The following MAP3K20 variants were observed in gnomAD, a reference collection of about 807,000 sequenced individuals.
MAP3K20 encodes the protein HCCS-4.
In MAP3K20, 40 loss-of-function variants were observed where a neutral mutation model predicts 85.7. That is an observed-to-expected ratio of 0.47 (90% CI 0.36 to 0.61). The LOEUF (loss-of-function observed/expected upper bound fraction) is 0.61. MAP3K20 is among the 20% of genes least tolerant of loss of function. The probability of loss-of-function intolerance (pLI) is 0.00; values close to 1 mark genes in which losing one functional copy is unlikely to be tolerated. For missense variants in MAP3K20, 817 were observed against 961.7 expected (o/e 0.85, Z 1.99); for synonymous variants, 325 against 327.7 (o/e 0.99, Z 0.09).
In MAP3K20 at chr2:173,229,559, C is replaced by T. The variant is rs1684471462; in HGVS notation, c.988-130C>T. On this transcript the variant is annotated intron_variant, in intron 11 of 19. Transcript: ENST00000375213. ...AAGGTCAGGAAAACTGTTTTCCATTCAACCCAACCTGCAGGAGGAACCAAG... is the reference window on the plus strand; with the variant it reads ...AAGGTCAGGAAAACTGTTTTCCATTTAACCCAACCTGCAGGAGGAACCAAG... 4.8e-5 allele frequency: 55 copies of T among 1,153,948 alleles called. 1 individual carries two copies. The highest frequency in any genetic ancestry group is 4.0e-4 in the Middle Eastern group (2 of 5,060). The allele number at this position is 1,153,948 out of a possible 1,614,324, so 71.5% of individuals were successfully genotyped here.
chr2:173,107,752 A>G (rs1687824589), intron 2 of MAP3K20, among the ~76,000 whole-genome samples: 2 of 152,144 alleles, frequency 1.3e-5, no homozygotes, highest in Non-Finnish European at 2.9e-5. Flanking sequence ...TAAAATGCAG[A>G]TAATAATAGA....
chr2:173,129,115 G>C (rs1301804292), intron 2 of MAP3K20, among the ~76,000 whole-genome samples: 2 of 151,874 alleles, frequency 1.3e-5, no homozygotes, highest in South Asian at 2.1e-4. Context: ...TTTTAGTAGA[G>C]ACAAGGTTTC....
intron 3 of MAP3K20, among the ~76,000 whole-genome samples, chr2:173,182,633 C>T (rs2106265290): frequency 6.6e-6 from 1 of 152,292 alleles, no homozygotes; most frequent in Admixed American, 6.5e-5. Flanking sequence ...TTTTGATTCT[C>T]AACTGAAGTT....
intron 2 of MAP3K20, among the ~76,000 whole-genome samples, chr2:173,131,951 C>G (rs1688630375): frequency 6.6e-6 from 1 of 152,098 alleles, no homozygotes; most frequent in Non-Finnish European, 1.5e-5. Context: ...TAATTTCATC[C>G]CTAACTCTCC....
At position 173,079,305 on chromosome 2, in the gene MAP3K20, C is replaced by T. The variant is rs1686950229; in HGVS notation, c.-35+3303C>T. On this transcript the variant is annotated intron_variant, in intron 1 of 19. Transcript: ENST00000375213. ...TATCAAAGATAAAAAATGGTACACC[C>T]GTATAGGGCATTTACCATGAATGGA... is the stretch of plus-strand genomic sequence containing the variant. 2.6e-5 allele frequency among the ~76,000 whole-genome samples: 4 copies of T among 152,034 alleles called. No homozygotes were observed. The South Asian group carries it at 6.2e-4, about 24-fold the overall frequency.
intron 14 of MAP3K20, among the ~76,000 whole-genome samples, chr2:173,237,019 CTTTTTT>C (rs368196400): frequency 1.3e-5 from 1 of 75,582 alleles, no homozygotes; most frequent in African/African-American, 5.4e-5. Context: ...GTATATCCAC[CTTTTTT>C]TTTTTTTTTT....
chr2:173,163,725 T>C (rs1689732101), intron 2 of MAP3K20, among the ~76,000 whole-genome samples: 1 of 152,218 alleles, frequency 6.6e-6, no homozygotes, highest in Non-Finnish European at 1.5e-5. Context: ...TGTGTCTTTA[T>C]GGTAGAATGA....
At chr2:173,222,409 C>G (rs982628614) in intron 11 of MAP3K20, 2 of 985,746 alleles carry the variant, frequency 2.0e-6, no homozygotes, top group African/African-American at 3.5e-5. Flanking sequence ...TTGAAACCAA[C>G]AGCAGATGTT....
chr2:173,266,844 T>A lies in MAP3K20; in HGVS notation c.*94T>A. 1 of 1,200,356 alleles carries A rather than the reference T, an allele frequency of 8.3e-7. No homozygotes were observed. Among genetic ancestry groups the A allele is most frequent in the Non-Finnish European group, 1.1e-6 (1 of 909,322 alleles). The allele number at this position is 1,200,356 out of a possible 1,614,324, so 74.4% of individuals were successfully genotyped here. ...ATAATATGATCCCTTCAGATTGAAT[T>A]AACGAAAAGACAACACTTCCAGTTT... is the stretch of plus-strand genomic sequence containing the variant. On this transcript the variant is annotated 3_prime_UTR_variant, in exon 20 of 20. Coordinates refer to ENST00000375213, the MANE Select transcript of MAP3K20 (RefSeq NM_016653.3).
chr2:173,266,929 T>C lies in MAP3K20; in HGVS notation c.*179T>C. The C allele has an allele frequency of 2.0e-6, 1 of 508,480 alleles. No individual in the cohort carries two copies. Among genetic ancestry groups the C allele is most frequent in the Non-Finnish European group, 3.3e-6 (1 of 305,332 alleles). 31.5% of individuals were successfully genotyped at this position (508,480 alleles called of 1,614,324 possible). On this transcript the variant is annotated 3_prime_UTR_variant, in exon 20 of 20. Transcript: ENST00000375213. ...GCCAAACCAGGGCCAAAATTATGGA[T>C]ATTGGTCACCCAGTGATCATAACTA... is the stretch of plus-strand genomic sequence containing the variant.
At position 173,178,566 on chromosome 2, in the gene MAP3K20, C is replaced by A. The variant is rs74712219; in HGVS notation, c.248-4288C>A. Among the ~76,000 whole-genome samples the A allele has an allele frequency of 4.6e-3, 702 of 152,262 alleles. 13 individuals carry two copies. The highest frequency in any genetic ancestry group is 0.028 in the Admixed American group (436 of 15,300). Reference sequence around the variant, plus strand: ...GGCTGAGGCATGAGAATTGCTTGAACCCAGGAGGCGGAGGTTGCTGTGAGC... The same window carrying A: ...GGCTGAGGCATGAGAATTGCTTGAAACCAGGAGGCGGAGGTTGCTGTGAGC... On this transcript the variant is annotated intron_variant, in intron 3 of 19. Coordinates refer to ENST00000375213, the MANE Select transcript of MAP3K20 (RefSeq NM_016653.3).
intron 4 of MAP3K20, among the ~76,000 whole-genome samples, chr2:173,184,349 G>GTTA (rs1690421863): frequency 6.6e-6 from 1 of 152,196 alleles, no homozygotes; most frequent in Admixed American, 6.5e-5. Flanking sequence ...TTACACCCAT[G>GTTA]TTATTACTTT....
chr2:173,151,110 C>T (rs140976314), intron 2 of MAP3K20, among the ~76,000 whole-genome samples: 173 of 152,284 alleles, frequency 1.1e-3, no homozygotes, highest in Admixed American at 2.7e-3. Context: ...TACAGTTTAG[C>T]TTGCCACAGA....
chr2:173,159,974 T>C (rs866298593), intron 2 of MAP3K20: 3 of 152,014 alleles, frequency 2.0e-5, no homozygotes, highest in African/African-American at 7.2e-5. Context: ...CATTGAGCAA[T>C]AGGAGACTTC....
In MAP3K20 at chr2:173,109,772, G is replaced by A. The variant is rs564614580; in HGVS notation, c.159+18582G>A. On this transcript the variant is annotated intron_variant, in intron 2 of 19. Coordinates refer to ENST00000375213, the MANE Select transcript of MAP3K20 (RefSeq NM_016653.3). ...CGCTATTTGTGTCTACAAACAAAAA[G>A]TCTTCCTAAATTTCTCACTTTTCTT... Among the ~76,000 whole-genome samples the A allele has an allele frequency of 1.1e-3, 166 of 152,216 alleles. 7 individuals are homozygous for A. The South Asian group carries it at 0.033, about 31-fold the overall frequency.
chr2:173,231,712 C>T (rs1267426751), intron 12 of MAP3K20, among the ~76,000 whole-genome samples: 1 of 152,202 alleles, frequency 6.6e-6, no homozygotes, highest in East Asian at 1.9e-4. Context: ...TGGGTCCAAT[C>T]TCCTCATTCT....
chr2:173,219,854 G>A (rs759950444), intron 11 of MAP3K20, among the ~76,000 whole-genome samples: 2 of 152,022 alleles, frequency 1.3e-5, no homozygotes, highest in African/African-American at 2.4e-5. Context: ...GGATCACGAG[G>A]TCAGGCGTTC....
intron 2 of MAP3K20, among the ~76,000 whole-genome samples, chr2:173,133,215 A>G (rs925758026): frequency 6.6e-6 from 1 of 152,236 alleles, no homozygotes; most frequent in Non-Finnish European, 1.5e-5. Context: ...TCCTTTACCT[A>G]AAGAAGCTTG....
chr2:173,223,538 G>A (rs10497402), intron 11 of MAP3K20: 207,579 of 985,110 alleles, frequency 0.21, 22,237 homozygotes, highest in South Asian at 0.32. Context: ...TTTCTCTGTA[G>A]TATGAGATGA....
Sources: gnomAD v4.1 joint callset for allele counts (sites outside exome capture counted in the v4.1 genomes callset) on GRCh38, gnomAD v4.1.1 for gene constraint, MANE v1.5 for transcripts, NCBI Gene and HGNC (gene_info 2026-07-23, HGNC 2026-07-21) for gene names.